The following CPVL variants were observed in gnomAD, a reference collection of about 807,000 sequenced individuals.
CPVL encodes probable serine carboxypeptidase CPVL.
Under a neutral mutation model 63.7 loss-of-function variants are expected in CPVL, and 51 were observed. That is an observed-to-expected ratio of 0.80 (90% CI 0.64 to 1.01). CPVL has a LOEUF of 1.01. CPVL is among the 50% of genes least tolerant of loss of function. CPVL has a pLI of 0.00. For synonymous variants in CPVL, 195 were observed against 206.0 expected (o/e 0.95, Z 0.46); for missense variants, 530 against 573.1 (o/e 0.92, Z 0.77).
upstream of CPVL, among the ~76,000 whole-genome samples, chr7:29,149,179 G>A (rs1177890998): frequency 7.0e-6 from 1 of 142,626 alleles, no homozygotes. Context: ...AGATTGGGAA[G>A]TCTGTTTCCC....
At chr7:29,061,640 T>C (rs1259581950) in intron 11 of CPVL, among the ~76,000 whole-genome samples, 3 of 152,180 alleles carry the variant, frequency 2.0e-5, no homozygotes, top group East Asian at 1.9e-4. Flanking sequence ...AAAGGAATCA[T>C]ATTCTAGTTA....
intron 1 of CPVL, among the ~76,000 whole-genome samples, chr7:29,132,880 G>A (rs1790834217): frequency 6.6e-6 from 1 of 152,104 alleles, no homozygotes; most frequent in Non-Finnish European, 1.5e-5. Flanking sequence ...AGAAAGACAT[G>A]GTTAATAGTA....
At chr7:29,181,768 A>G (rs1365683492) in intron 4 of CPVL, among the ~76,000 whole-genome samples, 1 of 152,234 alleles carries the variant, frequency 6.6e-6, no homozygotes, top group Non-Finnish European at 1.5e-5. Context: ...ACTTTTTTAT[A>G]TAGGTCCTAA....
intron 12 of CPVL, among the ~76,000 whole-genome samples, chr7:29,018,616 T>C (rs1786651721): frequency 6.6e-6 from 1 of 152,140 alleles, no homozygotes; most frequent in Admixed American, 6.6e-5. Context: ...TGGCCTCAAG[T>C]GATCCACCCA....
chr7:29,000,010 C>A (rs1784457822), intron 12 of CPVL, among the ~76,000 whole-genome samples: 1 of 152,050 alleles, frequency 6.6e-6, no homozygotes, highest in Non-Finnish European at 1.5e-5. Context: ...TTAAATGTGA[C>A]AAGATTAATC....
At chr7:29,095,254 A>G in intron 4 of CPVL, 112 bp from the exon 5 acceptor site, 1 of 836,244 alleles carries the variant, frequency 1.2e-6, no homozygotes, top group South Asian at 1.4e-5. Context: ...CTGTTGGCGT[A>G]CCCTCTAACA....
At chr7:29,106,306 G>A (rs897603951) in intron 3 of CPVL, among the ~76,000 whole-genome samples, 2 of 152,162 alleles carry the variant, frequency 1.3e-5, no homozygotes, top group Non-Finnish European at 2.9e-5. Context: ...GCTGTAGGGA[G>A]CCTGCTCACC....
At chr7:28,999,618 GA>G (rs1182562535) in intron 12 of CPVL, among the ~76,000 whole-genome samples, 1 of 152,188 alleles carries the variant, frequency 6.6e-6, no homozygotes, top group Non-Finnish European at 1.5e-5. Flanking sequence ...ATCAAGTGGT[GA>G]AGGAGCGCTG....
chr7:29,096,230 G>C lies in CPVL; in HGVS notation c.289-13C>G. The C allele has an allele frequency of 6.3e-7, 1 of 1,589,788 alleles. No homozygotes were observed. Among genetic ancestry groups the C allele is most frequent in the Non-Finnish European group, 8.6e-7 (1 of 1,157,836 alleles). ...CTTCTGGCTGTATCTAGAGGAAACA[G>C]TAAAACCAGTGACCACACAGAACAC... On this transcript the variant is annotated splice_polypyrimidine_tract_variant and intron_variant, in intron 3 of 12. Coordinates refer to ENST00000265394, the MANE Select transcript of CPVL (RefSeq NM_031311.5).
At chr7:29,086,415 A>C in intron 7 of CPVL, 69 bp downstream of exon 7, 3 of 1,094,766 alleles carry the variant, frequency 2.7e-6, no homozygotes, top group Admixed American at 1.7e-5. Flanking sequence ...AAATGAACAA[A>C]CTACACTCAT....
chr7:29,109,477 G>A (rs767126299), intron 3 of CPVL, among the ~76,000 whole-genome samples: 13 of 152,240 alleles, frequency 8.5e-5, no homozygotes, highest in Non-Finnish European at 1.6e-4. Context: ...TCTGCCAAAT[G>A]TGTCTCAGTG....
At chr7:29,188,037 C>G (rs1384121712) in intron 1 of CPVL, among the ~76,000 whole-genome samples, 1 of 152,132 alleles carries the variant, frequency 6.6e-6, no homozygotes, top group Admixed American at 6.5e-5. Flanking sequence ...TCTTAATATA[C>G]TCGCATAGAG....
chr7:29,004,833 A>G (rs984041389), intron 12 of CPVL, among the ~76,000 whole-genome samples: 1 of 152,164 alleles, frequency 6.6e-6, no homozygotes, highest in African/African-American at 2.4e-5. Context: ...GTAAGGATTC[A>G]GAGACAATAC....
intron 5 of CPVL, among the ~76,000 whole-genome samples, chr7:29,178,706 C>G (rs1797692020): frequency 6.6e-6 from 1 of 152,080 alleles, no homozygotes; most frequent in South Asian, 2.1e-4. Context: ...AGTAGGGGCT[C>G]AGTTATTGTT....
At chr7:29,123,326 C>T (rs1004912849) in intron 1 of CPVL, among the ~76,000 whole-genome samples, 1 of 151,730 alleles carries the variant, frequency 6.6e-6, no homozygotes, top group Admixed American at 6.6e-5. Context: ...TCAGGGTTAA[C>T]TTACTAGAAT....
chr7:29,044,292 C>T (rs894908218), intron 11 of CPVL, among the ~76,000 whole-genome samples: 1 of 151,974 alleles, frequency 6.6e-6, no homozygotes, highest in African/African-American at 2.4e-5. Context: ...TGGCAGGCAC[C>T]GGTAATCCTA....
At chr7:29,159,656 T>G (rs1183196854) in intron 5 of CPVL, among the ~76,000 whole-genome samples, 1 of 150,758 alleles carries the variant, frequency 6.6e-6, no homozygotes, top group Admixed American at 6.6e-5. Context: ...AAATGTCACC[T>G]TCTCAGTGAG....
chr7:28,998,806 A>T (rs908693677), intron 12 of CPVL, among the ~76,000 whole-genome samples: 3 of 150,628 alleles, frequency 2.0e-5, no homozygotes, highest in Non-Finnish European at 4.4e-5. Flanking sequence ...ATCTCTAAAT[A>T]TAAATGAATA....
At chr7:29,114,043 G>A (rs557613079) in intron 2 of CPVL, among the ~76,000 whole-genome samples, 56 of 152,260 alleles carry the variant, frequency 3.7e-4, no homozygotes, top group African/African-American at 1.2e-3. Context: ...GACGGTAGGT[G>A]GAGCCCTTAG....
Sources: allele counts gnomAD v4.1 joint callset (sites outside exome capture counted in the v4.1 genomes callset), GRCh38; gene constraint gnomAD v4.1.1; transcripts MANE v1.5; gene names NCBI Gene and HGNC (gene_info 2026-07-23, HGNC 2026-07-21).